ARHGAP10: variants seen among roughly 807,000 people sequenced by gnomAD.
The protein encoded by ARHGAP10 is rho GTPase-activating protein 10.
A neutral mutation model predicts 108.6 loss-of-function variants in ARHGAP10; 87 were observed. That is an observed-to-expected ratio of 0.80 (90% confidence interval 0.67 to 0.96). The LOEUF is 0.96. ARHGAP10 is among the 40% of genes least tolerant of loss of function. ARHGAP10 has a pLI of 0.00. For synonymous variants in ARHGAP10, 347 were observed against 341.1 expected (o/e 1.02, Z -0.19); for missense variants, 939 against 954.5 (o/e 0.98, Z 0.21).
At chr4:147,795,840 G>A (rs925901746) in intron 1 of ARHGAP10, among the ~76,000 whole-genome samples, 1 of 151,640 alleles carries the variant, frequency 6.6e-6, no homozygotes, top group Non-Finnish European at 1.5e-5. Context: ...GATTATAAGT[G>A]TGTACCACCA....
At chr4:148,017,682 A>ATATATATATATATATATATATATATATG (rs1437383455) in intron 18 of ARHGAP10, among the ~76,000 whole-genome samples, 5 of 135,258 alleles carry the variant, frequency 3.7e-5, no homozygotes, top group African/African-American at 5.8e-5. Flanking sequence ...ATATATATAT[A>ATATATATATATATATATATATATATATG]TGTGTGTGTA....
intron 18 of ARHGAP10, among the ~76,000 whole-genome samples, chr4:147,967,661 T>C (rs1739254673): frequency 6.6e-6 from 1 of 152,206 alleles, no homozygotes; most frequent in Admixed American, 6.5e-5. Context: ...GATTAGATAT[T>C]GTCTATGGCT....
intron 15 of ARHGAP10, among the ~76,000 whole-genome samples, chr4:147,948,987 C>A (rs576037392): frequency 1.5e-4 from 23 of 149,548 alleles, no homozygotes; most frequent in Middle Eastern, 3.5e-3. Flanking sequence ...AACAAAAAAA[C>A]CCCCAAAAAA....
At chr4:147,754,177 G>T (rs918999853) in intron 1 of ARHGAP10, among the ~76,000 whole-genome samples, 1 of 152,176 alleles carries the variant, frequency 6.6e-6, no homozygotes, top group Non-Finnish European at 1.5e-5. Flanking sequence ...CAGAAGTCTA[G>T]AATGTTTATT....
In ARHGAP10 at chr4:147,756,461, T is replaced by C. The variant is rs1291955960; in HGVS notation, c.154+24006T>C. Among the ~76,000 whole-genome samples, 4 of 152,362 alleles carry C rather than the reference T, an allele frequency of 2.6e-5. No individual in the cohort carries two copies. The East Asian group carries it at 7.7e-4, about 29-fold the overall frequency. On this transcript the variant is annotated intron_variant, in intron 1 of 22. Coordinates refer to ENST00000336498, the MANE Select transcript of ARHGAP10 (RefSeq NM_024605.4). The stretch of plus-strand genomic sequence containing the variant: ...GCAGGTCTTTGATGAGCACTGTTAG[T>C]ATGAACTATACCATAGTCCCCCTTA...
intron 19 of ARHGAP10, among the ~76,000 whole-genome samples, chr4:148,044,297 T>C (rs1317488527): frequency 1.3e-5 from 2 of 152,094 alleles, no homozygotes; most frequent in African/African-American, 4.8e-5. Flanking sequence ...ACCCCTGGTC[T>C]CCAGTTCCCC....
In ARHGAP10 at chr4:147,786,541, G is replaced by A. The variant is rs560126887; in HGVS notation, c.155-36186G>A. Reference sequence around the variant, plus strand: ...ACTTTCCCATCTGCAGGAGCAAAAGGGGGGAAAATTCCATGAAACGTTGAG... The same window carrying A: ...ACTTTCCCATCTGCAGGAGCAAAAGAGGGGAAAATTCCATGAAACGTTGAG... On this transcript the variant is annotated intron_variant, in intron 1 of 22. Coordinates refer to ENST00000336498, the MANE Select transcript of ARHGAP10 (RefSeq NM_024605.4). Among the ~76,000 whole-genome samples the A allele has an allele frequency of 4.6e-5, 7 of 152,272 alleles. No individual in the cohort carries two copies. The South Asian group carries it at 1.2e-3, about 27-fold the overall frequency.
At chr4:147,946,554 A>T in intron 14 of ARHGAP10, 63 bp from the exon 15 acceptor site, 1 of 1,415,572 alleles carries the variant, frequency 7.1e-7, no homozygotes, top group Non-Finnish European at 9.8e-7. Context: ...TTTGTGAGCT[A>T]GACAAGAGGA....
At chr4:147,776,276 G>A (rs1392467586) in intron 1 of ARHGAP10, among the ~76,000 whole-genome samples, 1 of 152,162 alleles carries the variant, frequency 6.6e-6, no homozygotes, top group African/African-American at 2.4e-5. Flanking sequence ...CTGGAGTGCA[G>A]TGGTGTGATC....
intron 13 of ARHGAP10, among the ~76,000 whole-genome samples, chr4:147,922,560 C>T (rs1019531741): frequency 1.3e-4 from 20 of 149,662 alleles, no homozygotes; most frequent in Non-Finnish European, 1.2e-4. Flanking sequence ...TAGTGGCGGG[C>T]GCCTGTAGTC....
intron 3 of ARHGAP10, among the ~76,000 whole-genome samples, chr4:147,830,086 C>T (rs527932791): frequency 4.6e-5 from 7 of 152,338 alleles, no homozygotes; most frequent in African/African-American, 1.7e-4. Flanking sequence ...CACGGCTGCA[C>T]CCCTTTCCCC....
chr4:147,922,845 A>T (rs965123787), intron 13 of ARHGAP10, among the ~76,000 whole-genome samples: 2 of 152,182 alleles, frequency 1.3e-5, no homozygotes. Context: ...TGAAATGTGC[A>T]TGTGCCTCAT....
chr4:147,787,525 G>A (rs1027720900), intron 1 of ARHGAP10, among the ~76,000 whole-genome samples: 1 of 152,126 alleles, frequency 6.6e-6, no homozygotes, highest in African/African-American at 2.4e-5. Flanking sequence ...AAGGAATCTG[G>A]GGGACTCTGG....
In ARHGAP10 at chr4:147,829,340, A is replaced by T. The variant is rs1050848261; in HGVS notation, c.312+6383A>T. 3.9e-5 allele frequency among the ~76,000 whole-genome samples: 6 copies of T among 152,116 alleles called. No individual in the cohort carries two copies. The South Asian group carries it at 1.2e-3, about 32-fold the overall frequency. On this transcript the variant is annotated intron_variant, in intron 3 of 22. Coordinates refer to ENST00000336498, the MANE Select transcript of ARHGAP10 (RefSeq NM_024605.4). ...CGTGCTGGGATTACAGGTGTGAGCC[A>T]CCGCGCCCAGCCAATTTGTTGTATT...
At chr4:147,965,178 C>T in intron 17 of ARHGAP10, 49 bp downstream of exon 17, 1 of 1,437,750 alleles carries the variant, frequency 7.0e-7, no homozygotes, top group Non-Finnish European at 9.6e-7. Context: ...GCTCTAGGTG[C>T]TGGGTAGTGC....
intron 15 of ARHGAP10, among the ~76,000 whole-genome samples, 157 bp from the exon 16 acceptor site, chr4:147,955,159 C>T (rs529251439): frequency 3.9e-5 from 6 of 152,088 alleles, no homozygotes; most frequent in East Asian, 1.9e-4. Flanking sequence ...TAAAGTGATC[C>T]GTTTATGTAT....
intron 1 of ARHGAP10, among the ~76,000 whole-genome samples, chr4:147,813,804 A>G (rs1373466897): frequency 6.6e-6 from 1 of 152,162 alleles, no homozygotes; most frequent in African/African-American, 2.4e-5. Flanking sequence ...TTTGCATTCA[A>G]AAGGTCCTAA....
chr4:147,849,340 A>C (rs1162212143), intron 4 of ARHGAP10, among the ~76,000 whole-genome samples: 6 of 152,176 alleles, frequency 3.9e-5, no homozygotes, highest in Non-Finnish European at 8.8e-5. Flanking sequence ...AGAAACAGGA[A>C]AGGGCTTAAG....
At chr4:148,012,000 G>GC (rs1185398767) in intron 18 of ARHGAP10, among the ~76,000 whole-genome samples, 4 of 152,162 alleles carry the variant, frequency 2.6e-5, no homozygotes, top group Non-Finnish European at 5.9e-5. Flanking sequence ...AGATAAGCAT[G>GC]CATGACCCAA....
Sources: allele counts gnomAD v4.1 joint callset (sites outside exome capture counted in the v4.1 genomes callset), GRCh38; gene constraint gnomAD v4.1.1; transcripts MANE v1.5; gene names NCBI Gene and HGNC (gene_info 2026-07-23, HGNC 2026-07-21).